The following ETS2 variants were observed in gnomAD, a reference collection of about 807,000 sequenced individuals.
ETS2 encodes protein C-ets-2.
Under a neutral mutation model 54.9 loss-of-function variants are expected in ETS2, and 19 were observed. The observed-to-expected ratio is 0.35, with a 90% CI of 0.24 to 0.51. ETS2 has a LOEUF of 0.51. ETS2 is among the 20% of genes least tolerant of loss of function. ETS2 has a pLI of 0.97. For synonymous variants in ETS2, 219 were observed against 229.3 expected, an observed-to-expected ratio of 0.95 and a Z score of 0.41; for missense variants, 417 against 593.0, an observed-to-expected ratio of 0.70 and a Z score of 3.08.
chr21:38,813,593 A>C (rs2060921814), intron 3 of ETS2, among the ~76,000 whole-genome samples: 1 of 152,186 alleles, frequency 6.6e-6, no homozygotes. Flanking sequence ...GTCATTGTTT[A>C]TTCTTCTTAA....
chr21:38,814,844 G>A lies in ETS2; in HGVS notation c.368G>A (p.Ser123Asn), dbSNP rs1267005843. 4.3e-6 allele frequency: 7 copies of A among 1,614,094 alleles called. No homozygotes were observed. Among genetic ancestry groups the A allele is most frequent in the Middle Eastern group, 1.6e-4 (1 of 6,084 alleles). The change falls in exon 5 of 10, where the codon AGT (serine) becomes AAT (asparagine). Residue 123 changes from serine to asparagine, a missense_variant. Physicochemically the swap from Ser to Asn is conservative, Grantham distance 46. This residue lies in a region of ETS2 where 326 missense variants were observed against 426.1 expected (regional missense o/e 0.76). Transcript: ENST00000360938. The surrounding 1 kb of genome is among the most constrained non-coding windows in gnomAD (Gnocchi z 4.2). The stretch of plus-strand genomic sequence containing the variant: ...CTTCTCTGGGCCACCAATGAGTTCA[G>A]TCTGGTGAACGTGAATCTGCAGAGG... ...QWLLWATNEF[S>N]LVNVNLQRFG... is the part of the protein sequence containing the mutation.
intron 8 of ETS2, among the ~76,000 whole-genome samples, chr21:38,820,640 C>T (rs1449827065): frequency 6.6e-6 from 1 of 152,170 alleles, no homozygotes; most frequent in Non-Finnish European, 1.5e-5. Context: ...TGTAGGACAG[C>T]CTGGCATGGG....
chr21:38,812,944 C>A, intron 2 of ETS2, 59 bp from the exon 3 acceptor site: 2 of 1,205,174 alleles, frequency 1.7e-6, no homozygotes, highest in Non-Finnish European at 2.5e-6. Flanking sequence ...ACTTTTACAA[C>A]AGGTAATTCA....
Position 38,806,547 on chromosome 21 carries a change from G to A in ETS2, c.-1+427G>A, listed in dbSNP as rs2060894003. On this transcript the variant is annotated intron_variant, in intron 1 of 9. Coordinates refer to ENST00000360938, the MANE Select transcript of ETS2 (RefSeq NM_005239.6). This position sits in a 1 kb window ranked among gnomAD's most constrained non-coding sequence, Gnocchi z 4.3. Reference sequence around the variant, plus strand: ...GGGCACAGGAGAGCGTGTCCGAGGTGGCCTGGCGCCCCGGCTTTGAGGGTG... The same window carrying A: ...GGGCACAGGAGAGCGTGTCCGAGGTAGCCTGGCGCCCCGGCTTTGAGGGTG... 1.0e-6 allele frequency: 1 copy of A among 985,412 alleles called. No individual in the cohort carries two copies. The highest frequency in any genetic ancestry group is 6.1e-5 in the Admixed American group (1 of 16,276). The allele number at this position is 985,412 out of a possible 1,614,324, so 61.0% of individuals were successfully genotyped here.
chr21:38,819,766 GGT>G lies in ETS2; in HGVS notation c.1075+8_1075+9del, dbSNP rs1569025995. ...TGCAGCTGTGCTGGCCGGCTTCACA[GGT>G]GTGTGTGGAACTCCGAGAGCCTGGC... On this transcript the variant is annotated splice_donor_variant, in intron 8 of 9. Transcript: ENST00000360938. LOFTEE classifies it high-confidence loss of function. 3.1e-6 allele frequency: 5 copies of G among 1,611,866 alleles called. No homozygotes were observed. Among genetic ancestry groups the G allele is most frequent in the Non-Finnish European group, 4.2e-6 (5 of 1,179,282 alleles).
upstream of ETS2, chr21:38,805,584 C>A: frequency 7.9e-7 from 1 of 1,273,410 alleles, no homozygotes; most frequent in Non-Finnish European, 1.0e-6. The surrounding 1 kb of genome is among the most constrained non-coding windows in gnomAD (Gnocchi z 5.2). Context: ...CGGCGAGGGA[C>A]CCAGCCGAGT....
At chr21:38,817,739 C>T (rs956523238) in intron 6 of ETS2, among the ~76,000 whole-genome samples, 4 of 152,166 alleles carry the variant, frequency 2.6e-5, no homozygotes, top group Non-Finnish European at 5.9e-5. Context: ...GCCAGGCCAG[C>T]GAGGGAGGGG....
chr21:38,811,739 G>C (rs2060914700), intron 2 of ETS2, among the ~76,000 whole-genome samples: 1 of 152,186 alleles, frequency 6.6e-6, no homozygotes, highest in Non-Finnish European at 1.5e-5. Flanking sequence ...TTATCTTTCT[G>C]TGTGTCTCTT....
intron 7 of ETS2, 109 bp from the exon 8 acceptor site, chr21:38,819,394 C>T: frequency 2.0e-6 from 2 of 987,354 alleles, no homozygotes; most frequent in South Asian, 1.5e-5. Context: ...AGTGGTTCTA[C>T]ACCAGCAGGT....
chr21:38,824,464 C>T lies in ETS2; in HGVS notation c.*1575C>T, dbSNP rs11254. 51,940 of 152,546 alleles carry T rather than the reference C, an allele frequency of 0.34. 8,912 individuals carry two copies. Among genetic ancestry groups the T allele is most frequent in the Non-Finnish European group, 0.36 (24,420 of 68,282 alleles). The allele number at this position is 152,546 out of a possible 1,614,324, so 9.4% of individuals were successfully genotyped here. The stretch of plus-strand genomic sequence containing the variant: ...GACCCGGTCAAGTTGGTTTCAAAGT[C>T]CGACAGGCTTGTCTGTTTACTAGCT... On this transcript the variant is annotated 3_prime_UTR_variant, in exon 10 of 10. Coordinates refer to ENST00000360938, the MANE Select transcript of ETS2 (RefSeq NM_005239.6).
intron 6 of ETS2, among the ~76,000 whole-genome samples, chr21:38,818,006 A>G (rs2060942032): frequency 6.6e-6 from 1 of 152,244 alleles, no homozygotes; most frequent in African/African-American, 2.4e-5. Flanking sequence ...ATGAAGGAGC[A>G]GAAAGCAGAG....
Position 38,812,291 on chromosome 21 carries a change from T to C in ETS2, c.73-712T>C, listed in dbSNP as rs116351373. On this transcript the variant is annotated intron_variant, in intron 2 of 9. Transcript: ENST00000360938. ...CGGCCTTGTCAAGGGTCATTTTTCT[T>C]ACACACACAGCCTAGTTGAATTTTT... is the stretch of plus-strand genomic sequence containing the variant. Among the ~76,000 whole-genome samples, 1,261 of 152,348 alleles carry C rather than the reference T, an allele frequency of 8.3e-3. 14 individuals are homozygous for C. Among genetic ancestry groups the C allele is most frequent in the African/African-American group, 0.028 (1,165 of 41,578 alleles).
chr21:38,818,141 C>G (rs2060942631), intron 6 of ETS2, among the ~76,000 whole-genome samples: 1 of 152,104 alleles, frequency 6.6e-6, no homozygotes. Flanking sequence ...GCCAGTGAGC[C>G]CTGTCTTCCT....
chr21:38,813,252 G>C, intron 3 of ETS2, 138 bp downstream of exon 3: 1 of 664,294 alleles, frequency 1.5e-6, no homozygotes, highest in South Asian at 1.8e-5. Flanking sequence ...CTGGACCTGG[G>C]AGAAGGCAGT....
At chr21:38,815,036 A>G (rs569923526) in intron 5 of ETS2, 55 bp downstream of exon 5, 1 of 1,564,490 alleles carries the variant, frequency 6.4e-7, no homozygotes, top group Non-Finnish European at 8.8e-7. Flanking sequence ...GGCCGGGAAG[A>G]CTGATTGGGA....
chr21:38,807,365 TC>T (rs571019720), intron 1 of ETS2, among the ~76,000 whole-genome samples: 24 of 151,794 alleles, frequency 1.6e-4, no homozygotes, highest in Non-Finnish European at 3.2e-4. Flanking sequence ...AGGCAAATTC[TC>T]CTTGTTTTTA....
chr21:38,815,041 T>C (rs926340055), intron 5 of ETS2, 60 bp downstream of exon 5: 6 of 1,547,148 alleles, frequency 3.9e-6, no homozygotes, highest in Non-Finnish European at 4.5e-6. Flanking sequence ...GGAAGACTGA[T>C]TGGGAAAGTC....
Position 38,819,766 on chromosome 21 carries a change from G to A in ETS2, c.1075G>A (p.Gly359Arg), listed in dbSNP as rs1569025991. Reference sequence around the variant, plus strand: ...TGCAGCTGTGCTGGCCGGCTTCACAGGTGTGTGTGGAACTCCGAGAGCCTG... The same window carrying A: ...TGCAGCTGTGCTGGCCGGCTTCACAAGTGTGTGTGGAACTCCGAGAGCCTG... ...IPAAVLAGFT[G>R]SGPIQLWQFL... is the part of the protein sequence containing the mutation. The change falls in exon 8 of 10, where the codon GGA becomes AGA. Residue 359 changes from glycine to arginine, a missense_variant and splice_region_variant. By Grantham distance (125) the Gly-to-Arg change is moderately radical. Transcript: ENST00000360938. 6.2e-7 allele frequency: 1 copy of A among 1,611,864 alleles called. No individual in the cohort carries two copies. Among genetic ancestry groups the A allele is most frequent in the African/African-American group, 1.3e-5 (1 of 74,892 alleles).
intron 9 of ETS2, 69 bp from the exon 10 acceptor site, chr21:38,822,605 A>C: frequency 7.5e-7 from 1 of 1,327,950 alleles, no homozygotes; most frequent in Non-Finnish European, 1.1e-6. Flanking sequence ...ATAATCAGGG[A>C]GGAATGTCAT....
Sources: gnomAD v4.1 joint callset for allele counts (sites outside exome capture counted in the v4.1 genomes callset) on GRCh38, gnomAD v4.1.1 for gene constraint, gnomAD v4.1.1 regional missense constraint, Gnocchi (gnomAD v3.1) non-coding constraint, MANE v1.5 for transcripts, NCBI Gene and HGNC (gene_info 2026-07-23, HGNC 2026-07-21) for gene names.